The following MUC13 variants were observed in gnomAD, a reference collection of about 807,000 sequenced individuals.
MUC13 encodes mucin-13.
Under a neutral mutation model 48.3 loss-of-function variants are expected in MUC13, and 32 were observed. The observed-to-expected ratio is 0.66, with a 90% CI of 0.50 to 0.89. The LOEUF (loss-of-function observed/expected upper bound fraction) is 0.89, where lower values mean the gene tolerates loss of function less well. Ranked by LOEUF, MUC13 falls within the 40% of genes least tolerant of loss-of-function variation. The pLI is 0.00. For missense variants in MUC13, 571 were observed against 622.8 expected, an observed-to-expected ratio of 0.92 and a Z score of 0.88; for synonymous variants, 199 against 224.9, an observed-to-expected ratio of 0.88 and a Z score of 1.03.
At chr3:124,931,771 G>A (rs944330439) in intron 1 of MUC13, among the ~76,000 whole-genome samples, 5 of 148,894 alleles carry the variant, frequency 3.4e-5, no homozygotes, top group Non-Finnish European at 5.9e-5. Flanking sequence ...AAGGCCAGGC[G>A]CGGTGGCTCA....
At chr3:124,917,501 C>A (rs1424968930) in intron 5 of MUC13, among the ~76,000 whole-genome samples, 1 of 151,940 alleles carries the variant, frequency 6.6e-6, no homozygotes, top group Non-Finnish European at 1.5e-5. Context: ...CACGCGCCAC[C>A]GTGCCCAGCT....
intron 1 of MUC13, among the ~76,000 whole-genome samples, chr3:124,929,499 T>A (rs1161802814): frequency 6.6e-6 from 1 of 152,180 alleles, no homozygotes; most frequent in Non-Finnish European, 1.5e-5. Flanking sequence ...CCCCGATGGG[T>A]CTATGAGCCC....
intron 5 of MUC13, among the ~76,000 whole-genome samples, chr3:124,919,788 C>A (rs1935563088): frequency 6.6e-6 from 1 of 152,154 alleles, no homozygotes; most frequent in African/African-American, 2.4e-5. Flanking sequence ...ACCACTGACC[C>A]TTCTCTAGCC....
At position 124,913,240 on chromosome 3, in the gene MUC13, G is replaced by A. The variant is rs1935455728; in HGVS notation, c.1085C>T (p.Ala362Val). Reference protein sequence around the residue: ...RPNPQSPFCVASSLKCPDACN... With the variant: ...RPNPQSPFCVVSSLKCPDACN... ...GGCATCAGGACACTTGAGACTGGAA[G>A]CTTCAAAACAGAATGATTTCTGGGT... The change falls in exon 8 of 12, where the codon GCT becomes GTT. Residue 362 changes from alanine to valine, a missense_variant and splice_region_variant. Physicochemically the swap from Ala to Val is moderately conservative, Grantham distance 64. Coordinates refer to ENST00000616727, the MANE Select transcript of MUC13 (RefSeq NM_033049.4). The A allele has an allele frequency of 6.2e-7, 1 of 1,603,684 alleles. No individual in the cohort carries two copies. Among genetic ancestry groups the A allele is most frequent in the East Asian group, 2.2e-5 (1 of 44,738 alleles).
chr3:124,919,005 A>ACTCT (rs113334699), intron 5 of MUC13, among the ~76,000 whole-genome samples: 4,979 of 149,450 alleles, frequency 0.033, 257 homozygotes, highest in African/African-American at 0.11. Flanking sequence ...TTATACACAT[A>ACTCT]CTCTCTCTCT....
intron 4 of MUC13, among the ~76,000 whole-genome samples, chr3:124,921,936 G>A (rs990843414): frequency 2.0e-5 from 3 of 152,238 alleles, no homozygotes; most frequent in African/African-American, 4.8e-5. Flanking sequence ...GCCATGCCAG[G>A]CCAGGTGCCA....
At chr3:124,917,531 C>T (rs927632306) in intron 5 of MUC13, among the ~76,000 whole-genome samples, 1 of 151,860 alleles carries the variant, frequency 6.6e-6, no homozygotes, top group Non-Finnish European at 1.5e-5. Flanking sequence ...TTTTGACTCT[C>T]GAATAAATGC....
At chr3:124,928,054 C>A in intron 1 of MUC13, 61 bp from the exon 2 acceptor site, 167 of 1,017,958 alleles carry the variant, frequency 1.6e-4, no homozygotes, top group Middle Eastern at 2.9e-4. Context: ...ATGGCAGTTA[C>A]TTAATACTAA....
chr3:124,910,902 G>A (rs1935410494), intron 9 of MUC13, among the ~76,000 whole-genome samples: 1 of 152,114 alleles, frequency 6.6e-6, no homozygotes, highest in African/African-American at 2.4e-5. Flanking sequence ...ACTGCTAGAG[G>A]AGCCAGCTAA....
chr3:124,920,728 G>T (rs913630559), intron 4 of MUC13, among the ~76,000 whole-genome samples: 2 of 152,256 alleles, frequency 1.3e-5, no homozygotes, highest in Non-Finnish European at 2.9e-5. Flanking sequence ...CAAGTTTGGG[G>T]AAAGTAGTGC....
intron 4 of MUC13, among the ~76,000 whole-genome samples, chr3:124,921,151 T>G (rs1163123749): frequency 2.8e-5 from 3 of 108,946 alleles, no homozygotes; most frequent in African/African-American, 1.0e-4. Flanking sequence ...CCATCTCTAC[T>G]TCCTTTTTTT....
rs375874395 is a variant in MUC13, at chr3:124,923,013, A to C, written c.637+514T>G. 6.5e-4 allele frequency among the ~76,000 whole-genome samples: 98 copies of C among 151,386 alleles called. 2 individuals carry two copies. Among genetic ancestry groups the C allele is most frequent in the African/African-American group, 2.3e-3 (95 of 41,262 alleles). On this transcript the variant is annotated intron_variant, in intron 3 of 11. Transcript: ENST00000616727. Reference sequence around the variant, plus strand: ...TGAGCATTTGGGGGCCTTTTGGTATATCCCTAACCCCAGTGGGCAATGCAA... The same window carrying C: ...TGAGCATTTGGGGGCCTTTTGGTATCTCCCTAACCCCAGTGGGCAATGCAA...
In MUC13 at chr3:124,927,569, G is replaced by T; in HGVS notation, c.477C>A (p.Gly159=). ...GGGTGCTGGTCTCCAATAAAGCGGT[G>T]CCAGTGGGAGGCCCTGATGATTGAT... ...EDNQSSGPPT[G]TALLETSTLN... Residue 159 remains glycine, a synonymous_variant, in exon 2 of 12, where the codon GGC becomes GGA. Coordinates refer to ENST00000616727, the MANE Select transcript of MUC13 (RefSeq NM_033049.4). The T allele has an allele frequency of 1.2e-6, 2 of 1,614,210 alleles. No individual in the cohort carries two copies. Among genetic ancestry groups the T allele is most frequent in the Non-Finnish European group, 1.7e-6 (2 of 1,180,040 alleles).
At chr3:124,925,764 C>T (rs910916017) in intron 2 of MUC13, among the ~76,000 whole-genome samples, 4 of 152,242 alleles carry the variant, frequency 2.6e-5, no homozygotes, top group African/African-American at 9.6e-5. Flanking sequence ...CAGGTGCATG[C>T]TACCACACCT....
Position 124,927,725 on chromosome 3 carries a change from C to A in MUC13, c.321G>T (p.Glu107Asp), listed in dbSNP as rs572167486. Residue 107 changes from glutamate to aspartate, a missense_variant, in exon 2 of 12, where the codon GAG becomes GAT. Physicochemically the swap from Glu to Asp is conservative, Grantham distance 45 (BLOSUM62 2). Transcript: ENST00000616727. ...CTAATGAATTTACATTTGTGGTTGA[C>A]TCACTGTCTGCAGCAGTAGGTATAG... is the stretch of plus-strand genomic sequence containing the variant. ...TIPIPTAADS[E>D]STTNVNSLAT... is the part of the protein sequence containing the mutation. 12 of 1,614,080 alleles carry A rather than the reference C, an allele frequency of 7.4e-6. No individual in the cohort carries two copies. The highest frequency in any genetic ancestry group is 3.3e-5 in the Admixed American group (2 of 60,008).
At chr3:124,918,593 T>G (rs1416425596) in intron 5 of MUC13, among the ~76,000 whole-genome samples, 1 of 152,208 alleles carries the variant, frequency 6.6e-6, no homozygotes, top group Non-Finnish European at 1.5e-5. Flanking sequence ...TCCAGGGAAG[T>G]TGATCAGATT....
Position 124,910,454 on chromosome 3 carries a change from A to T in MUC13, c.1298T>A (p.Val433Asp), listed in dbSNP as rs1199542525. 11 of 1,614,190 alleles carry T rather than the reference A, an allele frequency of 6.8e-6. No homozygotes were observed. Among genetic ancestry groups the T allele is most frequent in the Non-Finnish European group, 8.5e-6 (10 of 1,180,000 alleles). ...LTIVGTIAGI[V>D]ILSMIIALIV... ...CAATGCAATTATCATGCTGAGAATGACAATGCCAGCGATGGTGCCCACAAT... is the reference window on the plus strand; with the variant it reads ...CAATGCAATTATCATGCTGAGAATGTCAATGCCAGCGATGGTGCCCACAAT... Residue 433 changes from valine to aspartate, a missense_variant, in exon 10 of 12, where the codon GTC becomes GAC. Val to Asp is a radical substitution (Grantham distance 152). Coordinates refer to ENST00000616727, the MANE Select transcript of MUC13 (RefSeq NM_033049.4).
At chr3:124,925,457 T>C (rs886565886) in intron 2 of MUC13, among the ~76,000 whole-genome samples, 1 of 152,222 alleles carries the variant, frequency 6.6e-6, no homozygotes, top group Non-Finnish European at 1.5e-5. Context: ...CTGTAGGTGA[T>C]AATGATGTGT....
At chr3:124,928,226 C>T (rs1284285292) in intron 1 of MUC13, among the ~76,000 whole-genome samples, 1 of 151,126 alleles carries the variant, frequency 6.6e-6, no homozygotes, top group Non-Finnish European at 1.5e-5. Flanking sequence ...TCAACTCATT[C>T]TTTTCTGGAA....
Sources: allele counts gnomAD v4.1 joint callset (sites outside exome capture counted in the v4.1 genomes callset), GRCh38; gene constraint gnomAD v4.1.1; transcripts MANE v1.5; gene names NCBI Gene and HGNC (gene_info 2026-07-23, HGNC 2026-07-21).